The following SLC25A48 variants were observed in gnomAD, a reference collection of about 807,000 sequenced individuals.
The protein encoded by SLC25A48 is CTC-321K16.1.
Under a neutral mutation model 32.2 loss-of-function variants are expected in SLC25A48, and 29 were observed. The observed-to-expected ratio is 0.90, with a 90% CI of 0.67 to 1.23. The LOEUF (loss-of-function observed/expected upper bound fraction) is 1.23. Among genes scored for constraint, SLC25A48 ranks in the 50% most tolerant of loss-of-function variants. The probability of loss-of-function intolerance (pLI) is 0.00; values close to 1 mark genes in which losing one functional copy is unlikely to be tolerated. For synonymous variants in SLC25A48, 164 were observed against 172.3 expected, an observed-to-expected ratio of 0.95 and a Z score of 0.38; for missense variants, 399 against 422.7, an observed-to-expected ratio of 0.94 and a Z score of 0.49.
chr5:135,763,245 C>G, intron 3 of SLC25A48, among the ~76,000 whole-genome samples: 1 of 152,082 alleles, frequency 6.6e-6, no homozygotes, highest in East Asian at 1.9e-4. Flanking sequence ...ATTTGACTCA[C>G]GGGGCTAGCT....
intron 2 of SLC25A48, among the ~76,000 whole-genome samples, chr5:135,633,411 A>C (rs1028312949): frequency 6.6e-6 from 1 of 151,740 alleles, no homozygotes; most frequent in African/African-American, 2.4e-5. Flanking sequence ...GTCCTAATTC[A>C]ATAGGGTTGG....
At chr5:135,738,888 C>G (rs555859566) in intron 3 of SLC25A48, among the ~76,000 whole-genome samples, 1 of 152,324 alleles carries the variant, frequency 6.6e-6, no homozygotes, top group East Asian at 1.9e-4. Flanking sequence ...TCGAGACCAG[C>G]CTTGCCAACA....
intron 7 of SLC25A48, among the ~76,000 whole-genome samples, chr5:135,886,638 A>AAT (rs1561567811): frequency 3.1e-4 from 9 of 29,022 alleles, no homozygotes; most frequent in Admixed American, 7.1e-4. Flanking sequence ...TATATATATA[A>AAT]AATATATATA....
chr5:135,751,594 G>A (rs1755771546), intron 3 of SLC25A48, among the ~76,000 whole-genome samples: 1 of 152,162 alleles, frequency 6.6e-6, no homozygotes, highest in African/African-American at 2.4e-5. Context: ...AGCACTTTAG[G>A]AGGCCAAGGC....
chr5:135,786,084 T>G (rs1756841710), intron 3 of SLC25A48, among the ~76,000 whole-genome samples: 1 of 150,052 alleles, frequency 6.7e-6, no homozygotes, highest in Non-Finnish European at 1.5e-5. Context: ...GATTCTAATA[T>G]CCTGGGGTGG....
chr5:135,685,552 C>T (rs1261228746), intron 3 of SLC25A48, among the ~76,000 whole-genome samples: 2 of 151,668 alleles, frequency 1.3e-5, no homozygotes, highest in East Asian at 3.9e-4. Context: ...CATACCTCGG[C>T]CTCCTGAGTA....
chr5:135,759,567 T>C (rs577072411), intron 3 of SLC25A48, among the ~76,000 whole-genome samples: 26 of 152,270 alleles, frequency 1.7e-4, no homozygotes, highest in Middle Eastern at 3.4e-3. Context: ...GGGATGCCCC[T>C]ACTCACAGCC....
intron 1 of SLC25A48, among the ~76,000 whole-genome samples, chr5:135,617,864 C>T (rs757544228): frequency 6.6e-6 from 1 of 151,778 alleles, no homozygotes; most frequent in Admixed American, 6.6e-5. Flanking sequence ...TGTGCCCTAA[C>T]GTATGATTTA....
At chr5:135,755,451 T>C (rs1417708449) in intron 3 of SLC25A48, among the ~76,000 whole-genome samples, 3 of 152,018 alleles carry the variant, frequency 2.0e-5, no homozygotes, top group Non-Finnish European at 2.9e-5. Flanking sequence ...TGCACTGTGG[T>C]ATTAAGTAAA....
chr5:135,857,328 TG>T lies in SLC25A48; in HGVS notation c.421+4509del, dbSNP rs1760411470. 2.6e-5 allele frequency among the ~76,000 whole-genome samples: 4 copies of T among 151,924 alleles called. No homozygotes were observed. In the South Asian group the frequency reaches 8.4e-4, roughly 32 times the overall value. On this transcript the variant is annotated intron_variant, in intron 4 of 7. Coordinates refer to ENST00000681962, the MANE Select transcript of SLC25A48 (RefSeq NM_001349336.2). ...GAAGAATGGGAGGCAGCCAAGGGAG[TG>T]GCTGAATCCAAGCATGGCCTCCAAG...
chr5:135,614,505 C>T lies in SLC25A48; in HGVS notation c.-848-14732C>T, dbSNP rs894264544. Among the ~76,000 whole-genome samples the T allele has an allele frequency of 3.9e-5, 6 of 152,130 alleles. No homozygotes were observed. In the East Asian group the frequency reaches 9.6e-4, roughly 24 times the overall value. The stretch of plus-strand genomic sequence containing the variant: ...CTTGTCCTTCCCCCAATTCAGTATG[C>T]TCTTAGCTGTGGGTTTCTCATATAT... On this transcript the variant is annotated intron_variant, in intron 1 of 10. Transcript: ENST00000646290.
At chr5:135,768,989 A>G (rs1756324806) in intron 3 of SLC25A48, among the ~76,000 whole-genome samples, 1 of 151,670 alleles carries the variant, frequency 6.6e-6, no homozygotes, top group South Asian at 2.1e-4. Context: ...TGCTAATTCC[A>G]ATATTTCAGG....
intron 3 of SLC25A48, among the ~76,000 whole-genome samples, chr5:135,736,084 GA>G (rs2126996256): frequency 6.6e-6 from 1 of 152,168 alleles, no homozygotes; most frequent in East Asian, 1.9e-4. Context: ...GAGGAGGGGA[GA>G]GGTCGGATGA....
intron 3 of SLC25A48, among the ~76,000 whole-genome samples, chr5:135,646,491 C>G (rs1054890240): frequency 6.6e-6 from 1 of 151,828 alleles, no homozygotes; most frequent in Non-Finnish European, 1.5e-5. Flanking sequence ...CAGCTTTGGC[C>G]TCAGTTTCCT....
At position 135,772,242 on chromosome 5, in the gene SLC25A48, T is replaced by C. The variant is rs181105953; in HGVS notation, c.-520-40281T>C. On this transcript the variant is annotated intron_variant, in intron 3 of 10. Transcript: ENST00000646290. ...CAGGGAGGTGTACACCTTTCTGAGA[T>C]ATTGTTTGTAATATCAAGGGGGGAG... Among the ~76,000 whole-genome samples the C allele has an allele frequency of 2.0e-5, 3 of 151,234 alleles. No homozygotes were observed. The East Asian group carries it at 5.9e-4, about 30-fold the overall frequency.
At chr5:135,729,223 T>G (rs1755169788) in intron 3 of SLC25A48, among the ~76,000 whole-genome samples, 1 of 152,210 alleles carries the variant, frequency 6.6e-6, no homozygotes. Flanking sequence ...CATGTGACTA[T>G]TTTAAGAAAA....
intron 3 of SLC25A48, among the ~76,000 whole-genome samples, chr5:135,653,272 G>A (rs117454817): frequency 2.6e-5 from 4 of 152,214 alleles, no homozygotes; most frequent in Admixed American, 1.3e-4. Flanking sequence ...TACTCTACTG[G>A]CTGGAGTGAT....
chr5:135,675,053 C>T (rs1261651804), intron 3 of SLC25A48, among the ~76,000 whole-genome samples: 2 of 151,610 alleles, frequency 1.3e-5, no homozygotes, highest in Non-Finnish European at 2.9e-5. Context: ...GCTATTCTAA[C>T]TGGGGAAAGA....
At chr5:135,863,893 G>T (rs1760995508) in intron 4 of SLC25A48, among the ~76,000 whole-genome samples, 1 of 152,142 alleles carries the variant, frequency 6.6e-6, no homozygotes, top group African/African-American at 2.4e-5. Context: ...GAAGGAAAAG[G>T]CGTTCATTTC....
Sources: gnomAD v4.1 joint callset for allele counts (sites outside exome capture counted in the v4.1 genomes callset) on GRCh38, gnomAD v4.1.1 for gene constraint, MANE v1.5 for transcripts, NCBI Gene and HGNC (gene_info 2026-07-23, HGNC 2026-07-21) for gene names.